The following WWC2 variants were observed in gnomAD, a reference collection of about 807,000 sequenced individuals.
The protein encoded by WWC2 is protein WWC2.
Under a neutral mutation model 138.5 loss-of-function variants are expected in WWC2, and 101 were observed. The ratio of observed to expected loss-of-function variants is 0.73; its 90% CI spans 0.62 to 0.86. The LOEUF (loss-of-function observed/expected upper bound fraction) is 0.86. WWC2 is among the 40% of genes least tolerant of loss of function. The pLI is 0.00. For synonymous variants in WWC2, 558 were observed against 538.4 expected, an observed-to-expected ratio of 1.04 and a Z score of -0.50; for missense variants, 1,420 against 1,419.4, an observed-to-expected ratio of 1.00 and a Z score of -0.01.
In WWC2 at chr4:183,248,846, A is replaced by AG. The variant is rs1449579777; in HGVS notation, c.866dup (p.Ser289ArgfsTer11). 6.3e-7 allele frequency: 1 copy of AG among 1,597,946 alleles called. No individual in the cohort carries two copies. Among genetic ancestry groups the AG allele is most frequent in the Admixed American group, 1.7e-5 (1 of 58,260 alleles). ...GACCCTTGATGCTGGGTCACAAACA[A>AG]GCATTTCCGGAGATGTAAGTTATCT... is the stretch of plus-strand genomic sequence containing the variant. On this transcript the variant is annotated frameshift_variant, in exon 7 of 23. Coordinates refer to ENST00000403733, the MANE Select transcript of WWC2 (RefSeq NM_024949.6). LOFTEE classifies it high-confidence loss of function.
chr4:183,121,747 T>C (rs571518445), intron 1 of WWC2, among the ~76,000 whole-genome samples: 1 of 151,918 alleles, frequency 6.6e-6, no homozygotes, highest in South Asian at 2.1e-4. Context: ...TTTCACCTAT[T>C]ATGAGTGAGG....
At chr4:183,231,424 C>T (rs181881438) in intron 4 of WWC2, among the ~76,000 whole-genome samples, 2 of 151,596 alleles carry the variant, frequency 1.3e-5, no homozygotes, top group Non-Finnish European at 2.9e-5. Context: ...CGGGTACCAC[C>T]ACACTCAGCT....
intron 2 of WWC2, among the ~76,000 whole-genome samples, chr4:183,207,605 T>A (rs1370764066): frequency 1.3e-5 from 2 of 152,106 alleles, no homozygotes; most frequent in Non-Finnish European, 2.9e-5. Flanking sequence ...ATTAGGTGAA[T>A]GAAGGTGGGT....
rs796606310 is a variant in WWC2 at position 183,238,544 on chromosome 4, C to T, written c.523-1639C>T. 7.9e-5 allele frequency among the ~76,000 whole-genome samples: 12 copies of T among 152,212 alleles called. 1 individual carries two copies. Among genetic ancestry groups the T allele is most frequent in the African/African-American group, 2.9e-4 (12 of 41,530 alleles). ...CCTTTTCCAGTTCCATCTTTTGACA[C>T]CCCCACCCTCTGTAATCCAGCCACA... On this transcript the variant is annotated intron_variant, in intron 4 of 22. Coordinates refer to ENST00000403733, the MANE Select transcript of WWC2 (RefSeq NM_024949.6).
At chr4:183,229,670 A>G (rs918446239) in intron 4 of WWC2, among the ~76,000 whole-genome samples, 1 of 152,076 alleles carries the variant, frequency 6.6e-6, no homozygotes, top group African/African-American at 2.4e-5. Context: ...ATGAGAGAGT[A>G]TCAGGCAAAC....
intron 16 of WWC2, among the ~76,000 whole-genome samples, chr4:183,276,961 ATCATT>A (rs1004626307): frequency 2.7e-5 from 4 of 150,824 alleles, no homozygotes; most frequent in African/African-American, 9.8e-5. Context: ...TTCATACAGC[ATCATT>A]TCTTTTTTAT....
chr4:183,128,817 C>A (rs1732838951), intron 1 of WWC2, among the ~76,000 whole-genome samples: 1 of 152,134 alleles, frequency 6.6e-6, no homozygotes, highest in Non-Finnish European at 1.5e-5. Context: ...ATGTTGCCTC[C>A]AAAATAATGT....
intron 4 of WWC2, among the ~76,000 whole-genome samples, chr4:183,210,881 C>T (rs573489981): frequency 3.9e-5 from 6 of 152,248 alleles, no homozygotes; most frequent in East Asian, 3.9e-4. Flanking sequence ...CGAGACATAC[C>T]GTCTTATATG....
chr4:183,195,938 G>A (rs572463502), intron 2 of WWC2, among the ~76,000 whole-genome samples: 1 of 152,288 alleles, frequency 6.6e-6, no homozygotes, highest in African/African-American at 2.4e-5. Flanking sequence ...GGGCCTGATG[G>A]GAGGTGATTG....
chr4:183,145,726 G>A (rs1237166353), intron 1 of WWC2, among the ~76,000 whole-genome samples: 4 of 152,238 alleles, frequency 2.6e-5, no homozygotes, highest in African/African-American at 9.6e-5. Flanking sequence ...TAGTGAGACT[G>A]TAAATTGAAT....
intron 19 of WWC2, 65 bp downstream of exon 19, chr4:183,284,455 G>A: frequency 6.4e-7 from 1 of 1,566,364 alleles, no homozygotes; most frequent in Non-Finnish European, 8.7e-7. Context: ...GTAGGGAGTG[G>A]CCTGCAAAGG....
intron 17 of WWC2, 162 bp from the exon 18 acceptor site, chr4:183,282,546 T>C: frequency 4.3e-6 from 3 of 700,940 alleles, no homozygotes; most frequent in Non-Finnish European, 7.0e-6. Context: ...GAAGAGAGGA[T>C]TTTTTTAAAT....
chr4:183,282,404 A>G (rs1738104400), intron 17 of WWC2, among the ~76,000 whole-genome samples: 1 of 152,264 alleles, frequency 6.6e-6, no homozygotes. Context: ...ATATTTTTAA[A>G]TGCTAACATT....
In WWC2 at chr4:183,265,767, A is replaced by G; in HGVS notation, c.2119A>G (p.Arg707Gly). ...GACCGCCCAGGTTCAGATAGGACTC[A>G]GGTAAGGAATGTACGTGGGAAAGGA... is the stretch of plus-strand genomic sequence containing the variant. ...VETAQVQIGL[R>G]YNAKSSSFMV... Residue 707 changes from arginine (R) to glycine (G), a missense_variant and splice_region_variant, in exon 13 of 23, where the codon AGA (arginine) becomes GGA (glycine). Transcript: ENST00000403733. 16 of 1,610,942 alleles carry G rather than the reference A, an allele frequency of 9.9e-6. No individual in the cohort carries two copies. Among genetic ancestry groups the G allele is most frequent in the African/African-American group, 1.3e-5 (1 of 75,026 alleles).
chr4:183,127,049 T>G (rs1165053416), intron 1 of WWC2, among the ~76,000 whole-genome samples: 2 of 152,082 alleles, frequency 1.3e-5, no homozygotes, highest in African/African-American at 4.8e-5. Context: ...GAAAGAGACC[T>G]TTTGATGAAG....
At chr4:183,282,523 G>A (rs1286100746) in intron 17 of WWC2, 185 bp from the exon 18 acceptor site, 1 of 609,806 alleles carries the variant, frequency 1.6e-6, no homozygotes, top group Non-Finnish European at 2.9e-6. Flanking sequence ...TTTGCTGCAG[G>A]TTACTAGAGG....
chr4:183,315,764 C>A lies in WWC2; in HGVS notation c.*35C>A, dbSNP rs1298039585. The stretch of plus-strand genomic sequence containing the variant: ...TTAAGAAATTATTTTTTCATCTGTT[C>A]ACTTTCTTAGGGAGGGTAAAAGACT... On this transcript the variant is annotated 3_prime_UTR_variant, in exon 23 of 23. Coordinates refer to ENST00000403733, the MANE Select transcript of WWC2 (RefSeq NM_024949.6). 3.2e-6 allele frequency: 5 copies of A among 1,565,718 alleles called. No homozygotes were observed. The East Asian group carries it at 9.0e-5, about 28-fold the overall frequency.
At chr4:183,261,895 A>G (rs1204685713) in intron 11 of WWC2, among the ~76,000 whole-genome samples, 1 of 152,242 alleles carries the variant, frequency 6.6e-6, no homozygotes, top group African/African-American at 2.4e-5. Context: ...CCTAAAACAG[A>G]TTAAAACCAA....
chr4:183,141,211 T>A (rs1250125235), intron 1 of WWC2, among the ~76,000 whole-genome samples: 2 of 152,162 alleles, frequency 1.3e-5, no homozygotes, highest in Non-Finnish European at 2.9e-5. Context: ...AGTCCAAGGT[T>A]AAGGTGTCAG....
Sources: allele counts gnomAD v4.1 joint callset (sites outside exome capture counted in the v4.1 genomes callset), GRCh38; gene constraint gnomAD v4.1.1; transcripts MANE v1.5; gene names NCBI Gene and HGNC (gene_info 2026-07-23, HGNC 2026-07-21).